KIF26B: variants seen among roughly 807,000 people sequenced by gnomAD.
KIF26B encodes the protein kinesin-like protein KIF26B.
A neutral mutation model predicts 151.2 loss-of-function variants in KIF26B; 63 were observed. The ratio of observed to expected loss-of-function variants is 0.42; its 90% CI spans 0.34 to 0.51. The LOEUF (loss-of-function observed/expected upper bound fraction) is 0.51. KIF26B is among the 20% of genes least tolerant of loss of function. The pLI, the probability that KIF26B is intolerant of heterozygous loss-of-function variation, is 0.07. For missense variants in KIF26B, 2,813 were observed against 2,913.6 expected (o/e 0.97, Z 0.79); for synonymous variants, 1,357 against 1,262.1 (o/e 1.08, Z -1.59).
At chr1:245,346,104 T>C (rs771788812) in intron 2 of KIF26B, among the ~76,000 whole-genome samples, 60 of 151,090 alleles carry the variant, frequency 4.0e-4, no homozygotes, top group Non-Finnish European at 7.8e-4. Flanking sequence ...GGCTAATTTT[T>C]TTTTGTGTGT....
At chr1:245,280,559 G>T (rs1671026156) in intron 2 of KIF26B, among the ~76,000 whole-genome samples, 1 of 120,334 alleles carries the variant, frequency 8.3e-6, no homozygotes, top group South Asian at 2.6e-4. Flanking sequence ...AATTATTTTA[G>T]GCAGATAAAG....
chr1:245,576,757 G>A (rs1195195606), intron 5 of KIF26B, among the ~76,000 whole-genome samples: 1 of 152,126 alleles, frequency 6.6e-6, no homozygotes, highest in Non-Finnish European at 1.5e-5. Context: ...TTTTCTGTCT[G>A]GCACATTGTT....
intron 4 of KIF26B, among the ~76,000 whole-genome samples, chr1:245,461,731 A>G (rs1323920562): frequency 6.6e-6 from 1 of 152,188 alleles, no homozygotes; most frequent in Admixed American, 6.5e-5. Flanking sequence ...GTTGGCTGCA[A>G]GAATGGCTAA....
chr1:245,462,418 A>T (rs1408220241), intron 4 of KIF26B, among the ~76,000 whole-genome samples: 1 of 152,200 alleles, frequency 6.6e-6, no homozygotes, highest in African/African-American at 2.4e-5. Context: ...CGAGTTTTGC[A>T]GTGACTTCCT....
In KIF26B at chr1:245,606,552, G is replaced by T. The variant is rs184331975; in HGVS notation, c.1558-1099G>T. ...GATCTCCAAGTTAGTCCACAAAACC[G>T]ACAGCTCTGATGGCTCGCAGAGCTC... is the stretch of plus-strand genomic sequence containing the variant. On this transcript the variant is annotated intron_variant, in intron 6 of 14. Coordinates refer to ENST00000407071, the MANE Select transcript of KIF26B (RefSeq NM_018012.4). The surrounding 1 kb of genome is among the most constrained non-coding windows in gnomAD (Gnocchi z 4.6). Among the ~76,000 whole-genome samples, 94 of 152,302 alleles carry T rather than the reference G, an allele frequency of 6.2e-4. No individual in the cohort carries two copies. The highest frequency in any genetic ancestry group is 2.1e-3 in the African/African-American group (88 of 41,558).
rs747266335 is a variant in KIF26B, at chr1:245,685,682, G to A, written c.2699G>A (p.Arg900Gln). 1.7e-5 allele frequency: 27 copies of A among 1,612,802 alleles called. No homozygotes were observed. Among genetic ancestry groups the A allele is most frequent in the African/African-American group, 6.7e-5 (5 of 74,942 alleles). Residue 900 changes from arginine (R) to glutamine (Q), a missense_variant, in exon 12 of 15, where the codon CGG becomes CAG. This residue lies in a region of KIF26B where 2,060 missense variants were observed against 2,088.6 expected (regional missense o/e 0.99). Transcript: ENST00000407071. ...ATCGTGCCAGCCCTGCAGAAGACCCGGGGCGACAGCCGGCCCGCAGAGGCA... is the reference window on the plus strand; with the variant it reads ...ATCGTGCCAGCCCTGCAGAAGACCCAGGGCGACAGCCGGCCCGCAGAGGCA... Reference protein sequence around the residue: ...VPIVPALQKTRGDSRPAEAGE... With the variant: ...VPIVPALQKTQGDSRPAEAGE...
At chr1:245,391,102 A>G (rs1673688932) in intron 3 of KIF26B, among the ~76,000 whole-genome samples, 1 of 152,100 alleles carries the variant, frequency 6.6e-6, no homozygotes, top group East Asian at 1.9e-4. Flanking sequence ...ATACTATATT[A>G]TGGAATGGGT....
intron 3 of KIF26B, among the ~76,000 whole-genome samples, chr1:245,385,764 G>A (rs776976738): frequency 4.6e-5 from 7 of 152,234 alleles, no homozygotes; most frequent in Non-Finnish European, 8.8e-5. Context: ...AGGTAGTGGG[G>A]AAGGCTGCTT....
At chr1:245,419,210 T>C (rs1658400734) in intron 3 of KIF26B, among the ~76,000 whole-genome samples, 1 of 152,196 alleles carries the variant, frequency 6.6e-6, no homozygotes, top group Non-Finnish European at 1.5e-5. Flanking sequence ...TTTCAGAGCA[T>C]TCGGGGCTAT....
chr1:245,199,535 G>C (rs1009403025), intron 2 of KIF26B, among the ~76,000 whole-genome samples: 1 of 151,282 alleles, frequency 6.6e-6, no homozygotes, highest in Non-Finnish European at 1.5e-5. Context: ...CTGGAGTGCA[G>C]TGGTGTAATC....
In KIF26B at chr1:245,687,750, G is replaced by T; in HGVS notation, c.4767G>T (p.Leu1589=). ...GKVASPKHCV[L]ARPKGTPPLP... Reference sequence around the variant, plus strand: ...TGGCTTCCCCCAAGCACTGTGTTCTGGCTCGGCCCAAAGGGACTCCCCCTC... The same window carrying T: ...TGGCTTCCCCCAAGCACTGTGTTCTTGCTCGGCCCAAAGGGACTCCCCCTC... Residue 1589 remains leucine (L), a synonymous_variant, in exon 12 of 15, where the codon CTG becomes CTT. Transcript: ENST00000407071. This position sits in a 1 kb window ranked among gnomAD's most constrained non-coding sequence, Gnocchi z 4.9. 6.3e-7 allele frequency: 1 copy of T among 1,578,430 alleles called. No homozygotes were observed. Among genetic ancestry groups the T allele is most frequent in the Non-Finnish European group, 8.6e-7 (1 of 1,162,562 alleles).
Position 245,646,266 on chromosome 1 carries a change from A to T in KIF26B, c.2244A>T (p.Lys748Asn). 1 of 1,613,768 alleles carries T rather than the reference A, an allele frequency of 6.2e-7. No individual in the cohort carries two copies. Among genetic ancestry groups the T allele is most frequent in the Non-Finnish European group, 8.5e-7 (1 of 1,179,834 alleles). Residue 748 changes from lysine to asparagine, a missense_variant, in exon 10 of 15, where the codon AAA (lysine) becomes AAT (asparagine). Transcript: ENST00000407071. Reference sequence around the variant, plus strand: ...TCCTGGCTCTCGTCAATGGCAGCAAACACATTCCATACAAGTAAGTGACTC... The same window carrying T: ...TCCTGGCTCTCGTCAATGGCAGCAATCACATTCCATACAAGTAAGTGACTC... Reference protein sequence around the residue: ...NVILALVNGSKHIPYKESKLA... With the variant: ...NVILALVNGSNHIPYKESKLA...
At chr1:245,405,322 C>T (rs533465951) in intron 3 of KIF26B, among the ~76,000 whole-genome samples, 1 of 152,302 alleles carries the variant, frequency 6.6e-6, no homozygotes, top group South Asian at 2.1e-4. Context: ...GATCAGCCCA[C>T]AAATGTTTGC....
Position 245,633,451 on chromosome 1 carries a change from T to C in KIF26B, c.2099-12670T>C, listed in dbSNP as rs1558244861. Among the ~76,000 whole-genome samples the C allele has an allele frequency of 3.3e-5, 5 of 152,226 alleles. No individual in the cohort carries two copies. The South Asian group carries it at 1.0e-3, about 32-fold the overall frequency. On this transcript the variant is annotated intron_variant, in intron 9 of 14. Transcript: ENST00000407071. The stretch of plus-strand genomic sequence containing the variant: ...TTTTGTTCCTTTCTTCCTCTTGTAT[T>C]GCTTACCTTGATGATTTGGTAGTTT...
At chr1:245,374,080 AAAAAAAAAAAAAAAATATATATAT>A (rs1673197781) in intron 3 of KIF26B, among the ~76,000 whole-genome samples, 2 of 32,748 alleles carry the variant, frequency 6.1e-5, no homozygotes, top group African/African-American at 2.6e-4. Context: ...AAAAAAAAAA[AAAAAAAAAAAAAAAATATATATAT>A]ATATATATAT....
At chr1:245,230,511 G>T (rs1450017871) in intron 2 of KIF26B, among the ~76,000 whole-genome samples, 1 of 152,208 alleles carries the variant, frequency 6.6e-6, no homozygotes, top group Non-Finnish European at 1.5e-5. Flanking sequence ...GGGAGGCCGA[G>T]GCGGGTGGAT....
At chr1:245,313,295 G>A (rs1228508720) in intron 2 of KIF26B, among the ~76,000 whole-genome samples, 1 of 152,228 alleles carries the variant, frequency 6.6e-6, no homozygotes, top group Non-Finnish European at 1.5e-5. Context: ...AGTCCCCTGT[G>A]GGGCCAGGTC....
intron 4 of KIF26B, among the ~76,000 whole-genome samples, chr1:245,535,442 A>C (rs1014228238): frequency 6.6e-6 from 1 of 152,192 alleles, no homozygotes; most frequent in Non-Finnish European, 1.5e-5. Context: ...GTTTTTCTGC[A>C]TTGAAGCCAA....
chr1:245,415,726 C>T (rs1003772428), intron 3 of KIF26B, among the ~76,000 whole-genome samples: 1 of 151,432 alleles, frequency 6.6e-6, no homozygotes, highest in Non-Finnish European at 1.5e-5. Flanking sequence ...ACTGTCTTTG[C>T]ACAAGATATT....
Sources: gnomAD v4.1 joint callset for allele counts (sites outside exome capture counted in the v4.1 genomes callset) on GRCh38, gnomAD v4.1.1 for gene constraint, gnomAD v4.1.1 regional missense constraint, Gnocchi (gnomAD v3.1) non-coding constraint, MANE v1.5 for transcripts, NCBI Gene and HGNC (gene_info 2026-07-23, HGNC 2026-07-21) for gene names.